LYG1: variants seen among roughly 807,000 people sequenced by gnomAD.
LYG1 encodes lysozyme g-like protein 1.
Under a neutral mutation model 21.7 loss-of-function variants are expected in LYG1, and 17 were observed. The ratio of observed to expected loss-of-function variants is 0.78; its 90% confidence interval spans 0.54 to 1.18. LYG1 has a LOEUF of 1.18. LYG1 is among the 50% of genes most tolerant of loss of function. LYG1 has a pLI of 0.00. For missense variants in LYG1, 211 were observed against 238.1 expected (o/e 0.89, Z 0.75); for synonymous variants, 81 against 87.4 (o/e 0.93, Z 0.41).
chr2:99,290,246 G>A lies in LYG1; in HGVS notation c.333+991C>T, dbSNP rs114159363. On this transcript the variant is annotated intron_variant, in intron 5 of 6. Transcript: ENST00000308528. The stretch of plus-strand genomic sequence containing the variant: ...GATTTTACAAAGGAGACAGAACAGC[G>A]CAGCAGAAATGATGCCAGCCCTAAC... 5.7e-3 allele frequency among the ~76,000 whole-genome samples: 865 copies of A among 152,260 alleles called. 10 individuals are homozygous for A. The highest frequency in any genetic ancestry group is 0.02 in the African/African-American group (817 of 41,548).
At chr2:99,288,891 T>C (rs2094110157) in intron 5 of LYG1, among the ~76,000 whole-genome samples, 1 of 152,128 alleles carries the variant, frequency 6.6e-6, no homozygotes, top group South Asian at 2.1e-4. Flanking sequence ...ACCGAAACTA[T>C]GTCTCACCCT....
intron 1 of LYG1, among the ~76,000 whole-genome samples, chr2:99,299,175 C>G (rs890951661): frequency 3.9e-5 from 6 of 152,068 alleles, no homozygotes; most frequent in African/African-American, 1.4e-4. Flanking sequence ...GATCCACCCA[C>G]CTCAGCCTCC....
chr2:99,292,592 A>T lies in LYG1; in HGVS notation c.92T>A (p.Leu31Gln). Residue 31 changes from leucine to glutamine, a missense_variant, in exon 4 of 7, where the codon CTG (leucine) becomes CAG (glutamine). Transcript: ENST00000308528. ...NWGCYGNIQS[L>Q]DTPGASCGIG... is the part of the protein sequence containing the mutation. ...CCCACAAGATGCTCCAGGGGTGTCC[A>T]GGCTTTGGATGTTTCCATAGCATCC... is the stretch of plus-strand genomic sequence containing the variant. 1 of 1,614,206 alleles carries T rather than the reference A, an allele frequency of 6.2e-7. No homozygotes were observed. Among genetic ancestry groups the T allele is most frequent in the Non-Finnish European group, 8.5e-7 (1 of 1,180,022 alleles).
intron 3 of LYG1, among the ~76,000 whole-genome samples, chr2:99,293,905 A>G (rs2094128316): frequency 6.6e-6 from 1 of 151,886 alleles, no homozygotes; most frequent in African/African-American, 2.4e-5. Context: ...TCATTAGATT[A>G]CTCTTTAATT....
upstream of LYG1, among the ~76,000 whole-genome samples, chr2:99,301,392 GAAGAGAGAGAGA>G (rs1344451799): frequency 8.7e-5 from 13 of 149,716 alleles, no homozygotes; most frequent in African/African-American, 2.7e-4. Context: ...AACAAGGAAG[GAAGAGAGAGAGA>G]AAGAGAGAGA....
chr2:99,294,594 C>A (rs754993070), intron 3 of LYG1, among the ~76,000 whole-genome samples: 21 of 152,120 alleles, frequency 1.4e-4, no homozygotes, highest in Non-Finnish European at 2.8e-4. Flanking sequence ...TTTTATCACT[C>A]CTTGGTTCCT....
Position 99,284,439 on chromosome 2 carries a change from T to C in LYG1, c.539A>G (p.Asn180Ser), listed in dbSNP as rs767836319. The C allele has an allele frequency of 4.5e-5, 73 of 1,614,102 alleles. No individual in the cohort carries two copies. The Middle Eastern group carries it at 4.9e-4, about 11-fold the overall frequency. The change falls in exon 7 of 7, where the codon AAT (asparagine) becomes AGT (serine). Residue 180 changes from asparagine (N) to serine (S), a missense_variant. Physicochemically the swap from Asn to Ser is conservative, Grantham distance 46 (BLOSUM62 1). Coordinates refer to ENST00000308528, the MANE Select transcript of LYG1 (RefSeq NM_174898.3). ...SSQDLSCDFC[N>S]DVLARAKYLK... is the part of the protein sequence containing the mutation. Reference sequence around the variant, plus strand: ...GTACTTGGCTCGTGCAAGGACATCATTGCAGAAGTCACAGCTCAGGTCCTG... The same window carrying C: ...GTACTTGGCTCGTGCAAGGACATCACTGCAGAAGTCACAGCTCAGGTCCTG...
chr2:99,291,563 G>C, intron 4 of LYG1, 142 bp from the exon 5 acceptor site: 1 of 897,370 alleles, frequency 1.1e-6, no homozygotes, highest in Non-Finnish European at 1.7e-6. Flanking sequence ...TAAATCTTTA[G>C]TAGTGGCCAC....
chr2:99,298,206 T>C (rs2094142603), intron 2 of LYG1, among the ~76,000 whole-genome samples: 1 of 152,210 alleles, frequency 6.6e-6, no homozygotes, highest in African/African-American at 2.4e-5. Context: ...AATTCCCCTG[T>C]GGCTCCCTGC....
chr2:99,286,893 G>T (rs2094101903), intron 5 of LYG1, among the ~76,000 whole-genome samples: 1 of 152,048 alleles, frequency 6.6e-6, no homozygotes, highest in African/African-American at 2.4e-5. Context: ...AATGAATAAA[G>T]AAAATGTGGT....
chr2:99,292,380 C>T (rs558686526), intron 4 of LYG1, among the ~76,000 whole-genome samples, 156 bp downstream of exon 4: 6 of 152,326 alleles, frequency 3.9e-5, no homozygotes, highest in African/African-American at 1.4e-4. Context: ...TACTGCTAGC[C>T]GCCTTGCCAC....
At position 99,293,909 on chromosome 2, in the gene LYG1, T is replaced by TTTAA. The variant is rs577473961; in HGVS notation, c.44-1273_44-1270dup. On this transcript the variant is annotated intron_variant, in intron 3 of 6. Transcript: ENST00000308528. ...GTAAGAATGTCTCATTAGATTACTC[T>TTTAA]TTAATTAATTAATTAATTAATTAAT... 2.1e-3 allele frequency among the ~76,000 whole-genome samples: 320 copies of TTTAA among 152,182 alleles called. 1 individual carries two copies. The highest frequency in any genetic ancestry group is 5.4e-3 in the African/African-American group (226 of 41,530).
intron 5 of LYG1, among the ~76,000 whole-genome samples, chr2:99,289,139 C>G (rs185446966): frequency 6.6e-6 from 1 of 152,150 alleles, no homozygotes; most frequent in East Asian, 1.9e-4. Flanking sequence ...CAATAAGCTT[C>G]GAGAGTCAGT....
At chr2:99,289,309 C>T (rs767384092) in intron 5 of LYG1, among the ~76,000 whole-genome samples, 1 of 151,680 alleles carries the variant, frequency 6.6e-6, no homozygotes, top group Non-Finnish European at 1.5e-5. Flanking sequence ...AAAATACAAA[C>T]ATTAGCCAGG....
Position 99,291,123 on chromosome 2 carries a change from G to A in LYG1, c.333+114C>T. The A allele has an allele frequency of 8.1e-6, 8 of 991,496 alleles. No homozygotes were observed. In the South Asian group the frequency reaches 1.3e-4, roughly 16 times the overall value. 61.4% of individuals were successfully genotyped at this position (991,496 alleles called of 1,614,324 possible). On this transcript the variant is annotated intron_variant, in intron 5 of 6. Transcript: ENST00000308528. ...CTCAGGCAGAACTGTCACTGTCACA[G>A]CTCTAGAGACCTTCATTCATGCTGT... is the stretch of plus-strand genomic sequence containing the variant.
intron 2 of LYG1, among the ~76,000 whole-genome samples, chr2:99,297,908 TCTCA>T (rs2094141615): frequency 6.6e-6 from 1 of 152,128 alleles, no homozygotes; most frequent in South Asian, 2.1e-4. Context: ...TAGAAATGGG[TCTCA>T]CTATGTTGCC....
At chr2:99,292,876 T>C (rs750577750) in intron 3 of LYG1, among the ~76,000 whole-genome samples, 7 of 152,138 alleles carry the variant, frequency 4.6e-5, no homozygotes, top group South Asian at 2.1e-4. Flanking sequence ...ACTGGAGCTA[T>C]TGAAGCAGTT....
chr2:99,301,443 G>GGGAAGGGAGGAAGGGAAGA (rs1474469918), upstream of LYG1, among the ~76,000 whole-genome samples: 65 of 145,004 alleles, frequency 4.5e-4, no homozygotes, highest in East Asian at 6.3e-3. Flanking sequence ...GAGTGAGAAG[G>GGGAAGGGAGGAAGGGAAGA]GGAAGGGAGG....
At chr2:99,289,085 A>G (rs1328789057) in intron 5 of LYG1, among the ~76,000 whole-genome samples, 1 of 152,160 alleles carries the variant, frequency 6.6e-6, no homozygotes, top group Non-Finnish European at 1.5e-5. Context: ...GACCTACTGA[A>G]TCAGAATTCT....
Sources: allele counts gnomAD v4.1 joint callset (sites outside exome capture counted in the v4.1 genomes callset), GRCh38; gene constraint gnomAD v4.1.1; transcripts MANE v1.5; gene names NCBI Gene and HGNC (gene_info 2026-07-23, HGNC 2026-07-21).